The following MZT2B variants were observed in gnomAD, a reference collection of about 807,000 sequenced individuals.
MZT2B encodes mitotic spindle organizing protein 2B.
Under a neutral mutation model 12.1 loss-of-function variants are expected in MZT2B, and 11 were observed. That is an observed-to-expected ratio of 0.91 (90% CI 0.57 to 1.50). MZT2B has a LOEUF of 1.50. Among genes scored for constraint, MZT2B ranks in the 40% most tolerant of loss-of-function variants. MZT2B has a pLI of 0.00. For synonymous variants in MZT2B, 85 were observed against 109.5 expected (o/e 0.78, Z 1.40); for missense variants, 209 against 227.7 (o/e 0.92, Z 0.53).
chr2:130,199,888 G>C, the MZT2B span, among the ~76,000 whole-genome samples: 1 of 151,896 alleles, frequency 6.6e-6, no homozygotes, highest in Non-Finnish European at 1.5e-5. Context: ...TTGAGGTCAG[G>C]AGTTCGAGAC....
In MZT2B at chr2:130,190,679, C is replaced by T. The variant is rs1690234213; in HGVS notation, c.*53C>T. 1.3e-6 allele frequency: 2 copies of T among 1,562,462 alleles called. No individual in the cohort carries two copies. The highest frequency in any genetic ancestry group is 1.7e-6 in the Non-Finnish European group (2 of 1,149,006). ...GTCCCCAGCAAAGGCTACATGTTACCTCCTTCAATTGATAATAAACCTTTC... is the reference window on the plus strand; with the variant it reads ...GTCCCCAGCAAAGGCTACATGTTACTTCCTTCAATTGATAATAAACCTTTC... On this transcript the variant is annotated 3_prime_UTR_variant, in exon 3 of 3. Coordinates refer to ENST00000281871, the MANE Select transcript of MZT2B (RefSeq NM_025029.5).
the MZT2B span, chr2:130,196,260 C>G: frequency 6.2e-7 from 1 of 1,613,926 alleles, no homozygotes; most frequent in Non-Finnish European, 8.5e-7. Context: ...ATGGTTTTAT[C>G]ACTTGGCATT....
At chr2:130,190,757 T>G (rs1427060925), downstream of MZT2B, 38 of 1,430,218 alleles carry the variant, frequency 2.7e-5, no homozygotes, top group Admixed American at 8.3e-5. Flanking sequence ...TTTTTTTGTT[T>G]TTTTTTTTAT....
downstream of MZT2B, among the ~76,000 whole-genome samples, chr2:130,192,910 A>T (rs1403237109): frequency 2.6e-5 from 4 of 152,198 alleles, no homozygotes; most frequent in Non-Finnish European, 5.9e-5. Flanking sequence ...CCTGGCCAAC[A>T]TGGCAAAATC....
rs1300425263 is a variant in MZT2B at position 130,182,365 on chromosome 2, G to A, written c.83G>A (p.Arg28Gln). 1 of 1,541,902 alleles carries A rather than the reference G, an allele frequency of 6.5e-7. No homozygotes were observed. The highest frequency in any genetic ancestry group is 1.4e-5 in the African/African-American group (1 of 72,452). The part of the protein sequence containing the change: ...LEAARQKLAL[R>Q]RKKVLSTEEM... ...GCGGCCCGGCAGAAGCTGGCGCTGC[G>A]GCGGAAGAAGGTGCTGAGCACCGAG... is the stretch of plus-strand genomic sequence containing the variant. Residue 28 changes from arginine (R) to glutamine (Q), a missense_variant, in exon 1 of 3, where the codon CGG becomes CAG. Physicochemically the swap from Arg to Gln is conservative, Grantham distance 43. Coordinates refer to ENST00000281871, the MANE Select transcript of MZT2B (RefSeq NM_025029.5).
chr2:130,182,225 G>A (rs1689721609), upstream of MZT2B: 2 of 1,229,604 alleles, frequency 1.6e-6, no homozygotes, highest in African/African-American at 1.6e-5. Context: ...AGAGGGTGGT[G>A]GGCGCAGCCG....
upstream of MZT2B, chr2:130,182,067 C>T: frequency 2.2e-6 from 3 of 1,348,522 alleles, no homozygotes; most frequent in Non-Finnish European, 1.9e-6. Flanking sequence ...GTCCGCCATG[C>T]CACTCCCGGC....
chr2:130,182,065 T>C (rs1689702253), upstream of MZT2B: 1 of 1,347,360 alleles, frequency 7.4e-7, no homozygotes, highest in Non-Finnish European at 9.6e-7. Context: ...CGGTCCGCCA[T>C]GCCACTCCCG....
upstream of MZT2B, chr2:130,181,906 T>C: frequency 6.9e-7 from 1 of 1,445,378 alleles, no homozygotes; most frequent in East Asian, 3.1e-5. Context: ...GGTGCACCGG[T>C]GCGGACCAGA....
At chr2:130,197,514 GAA>G in the MZT2B span, among the ~76,000 whole-genome samples, 176 of 117,062 alleles carry the variant, frequency 1.5e-3, 48 homozygotes, top group East Asian at 0.043. Context: ...AAAAAGAAAA[GAA>G]AAGAAAAAAG....
intron 2 of MZT2B, chr2:130,183,936 C>T: frequency 6.4e-7 from 1 of 1,550,580 alleles, no homozygotes; most frequent in Non-Finnish European, 8.7e-7. Flanking sequence ...TTCCCTCCGC[C>T]TCTCTTGCTG....
intron 2 of MZT2B, chr2:130,188,008 T>C (rs187063065): frequency 6.6e-6 from 1 of 151,620 alleles, no homozygotes; most frequent in East Asian, 1.9e-4. Context: ...TGCATCACTG[T>C]GCTCTAGACC....
At chr2:130,188,463 G>A (rs1690142279) in intron 2 of MZT2B, among the ~76,000 whole-genome samples, 1 of 152,234 alleles carries the variant, frequency 6.6e-6, no homozygotes, top group South Asian at 2.1e-4. Flanking sequence ...TGTACCACAA[G>A]AGATGCGTGG....
the MZT2B span, among the ~76,000 whole-genome samples, chr2:130,204,691 C>CAAAA: frequency 7.7e-4 from 74 of 96,498 alleles, no homozygotes; most frequent in African/African-American, 2.6e-3. Context: ...AACTCTGTCT[C>CAAAA]AAAAAAAAAA....
intron 2 of MZT2B, 80 bp downstream of exon 2, chr2:130,182,855 G>A (rs1410607102): frequency 2.1e-6 from 3 of 1,449,996 alleles, no homozygotes; most frequent in African/African-American, 1.4e-5. Flanking sequence ...CAGCGGCGGC[G>A]TGGCCCTGAG....
chr2:130,200,660 C>T, the MZT2B span, among the ~76,000 whole-genome samples: 1 of 152,198 alleles, frequency 6.6e-6, no homozygotes, highest in Non-Finnish European at 1.5e-5. Context: ...TTATGGCCAA[C>T]AGGAAAGGGG....
intron 2 of MZT2B, 27 bp downstream of exon 2, chr2:130,182,802 C>G (rs565293695): frequency 3.5e-6 from 5 of 1,419,274 alleles, no homozygotes; most frequent in Non-Finnish European, 4.7e-6. Context: ...CTGTCCCTGC[C>G]CCAGTGGCGG....
At chr2:130,184,101 G>A (rs1196318741) in intron 2 of MZT2B, 1 of 1,538,232 alleles carries the variant, frequency 6.5e-7, no homozygotes, top group Non-Finnish European at 8.8e-7. Flanking sequence ...CTGCCGCTTA[G>A]CCACAGGGCA....
At chr2:130,203,115 C>T in the MZT2B span, among the ~76,000 whole-genome samples, 1 of 144,080 alleles carries the variant, frequency 6.9e-6, no homozygotes, top group Admixed American at 7.3e-5. Flanking sequence ...GCGATCTCAG[C>T]TCACTGCATA....
Sources: allele counts gnomAD v4.1 joint callset (sites outside exome capture counted in the v4.1 genomes callset), GRCh38; gene constraint gnomAD v4.1.1; transcripts MANE v1.5; gene names NCBI Gene and HGNC (gene_info 2026-07-23, HGNC 2026-07-21).